Variants in CCDC138 observed in about 807,000 individuals in gnomAD.
CCDC138 encodes the protein coiled-coil domain containing 138.
Under a neutral mutation model 82.3 loss-of-function variants are expected in CCDC138, and 66 were observed. The observed-to-expected ratio is 0.80, with a 90% CI of 0.66 to 0.98. The LOEUF is 0.98. Among genes scored for constraint, CCDC138 ranks in the 50% least tolerant of loss-of-function variants. CCDC138 has a pLI of 0.00. For missense variants in CCDC138, 816 were observed against 758.9 expected (o/e 1.08, Z -0.88); for synonymous variants, 297 against 265.4 (o/e 1.12, Z -1.16).
chr2:108,864,656 T>TCGCC (rs1474137900), intron 13 of CCDC138, among the ~76,000 whole-genome samples: 1 of 152,082 alleles, frequency 6.6e-6, no homozygotes, highest in Non-Finnish European at 1.5e-5. Context: ...AAGCCAGGCG[T>TCGCC]GGTGGCCCAC....
intron 10 of CCDC138, among the ~76,000 whole-genome samples, chr2:108,828,342 A>G (rs1008599037): frequency 1.3e-5 from 2 of 152,240 alleles, no homozygotes; most frequent in Admixed American, 6.5e-5. Context: ...TTTATATGTC[A>G]AAGAATACTA....
At chr2:108,805,599 C>G (rs539995190) in intron 7 of CCDC138, among the ~76,000 whole-genome samples, 1 of 151,598 alleles carries the variant, frequency 6.6e-6, no homozygotes, top group Non-Finnish European at 1.5e-5. Context: ...TGATGGCGGG[C>G]GCCTGTAGTC....
chr2:108,875,681 C>T (rs893264505), intron 14 of CCDC138, among the ~76,000 whole-genome samples: 2 of 152,012 alleles, frequency 1.3e-5, no homozygotes, highest in Admixed American at 1.3e-4. Context: ...AACATAGTGA[C>T]ACCCTGTCTC....
chr2:108,873,562 T>A lies in CCDC138; in HGVS notation c.1805T>A (p.Ile602Asn). 1 of 1,609,966 alleles carries A rather than the reference T, an allele frequency of 6.2e-7. No individual in the cohort carries two copies. Among genetic ancestry groups the A allele is most frequent in the Non-Finnish European group, 8.5e-7 (1 of 1,178,052 alleles). The change falls in exon 14 of 15, where the codon ATT (isoleucine) becomes AAT (asparagine). Residue 602 changes from isoleucine to asparagine, a missense_variant. Coordinates refer to ENST00000295124, the MANE Select transcript of CCDC138 (RefSeq NM_144978.3). ...LDLQILEKLS[I>N]ILQKLSKIKS... is the part of the protein sequence containing the mutation. ...CTTCAAATACTAGAAAAACTCAGTA[T>A]TATTTTACAGAAACTTTCCAAAATC...
chr2:108,819,217 T>G (rs1267215120), intron 10 of CCDC138, among the ~76,000 whole-genome samples: 1 of 152,026 alleles, frequency 6.6e-6, no homozygotes, highest in African/African-American at 2.4e-5. Flanking sequence ...GCTAAAACAT[T>G]AAAAAGAAGG....
intron 4 of CCDC138, among the ~76,000 whole-genome samples, chr2:108,794,049 C>T (rs1230492445): frequency 1.3e-5 from 2 of 151,980 alleles, no homozygotes; most frequent in African/African-American, 4.8e-5. Flanking sequence ...ATTTGTGAAC[C>T]TGTTTAAAAG....
intron 9 of CCDC138, among the ~76,000 whole-genome samples, chr2:108,815,433 T>G (rs1684588576): frequency 6.6e-6 from 1 of 151,558 alleles, no homozygotes; most frequent in Non-Finnish European, 1.5e-5. Flanking sequence ...TTAACATGTT[T>G]TTAATATTAG....
At chr2:108,788,144 C>T (rs1473703416) in intron 2 of CCDC138, 55 bp downstream of exon 2, 5 of 1,563,644 alleles carry the variant, frequency 3.2e-6, no homozygotes, top group East Asian at 4.5e-5. Flanking sequence ...TGAGGCTGGG[C>T]GCGGTGGCTC....
At chr2:108,803,393 AT>A (rs11309509) in intron 6 of CCDC138, among the ~76,000 whole-genome samples, 121,867 of 152,124 alleles carry the variant, frequency 0.8, 49,087 homozygotes, top group East Asian at 0.95. Flanking sequence ...GTTTTCTCTC[AT>A]TTCTTTAGTG....
intron 6 of CCDC138, among the ~76,000 whole-genome samples, chr2:108,802,787 A>C (rs1227535354): frequency 8.6e-5 from 13 of 151,746 alleles, no homozygotes; most frequent in Non-Finnish European, 1.6e-4. Flanking sequence ...AGCTCTTATT[A>C]TTTTGAAATA....
chr2:108,827,603 T>C (rs1369475119), intron 10 of CCDC138, among the ~76,000 whole-genome samples: 1 of 151,956 alleles, frequency 6.6e-6, no homozygotes, highest in African/African-American at 2.4e-5. Context: ...GATCACGAGG[T>C]CAGGAGACGG....
At position 108,786,828 on chromosome 2, in the gene CCDC138, G is replaced by GC; in HGVS notation, c.8dup (p.Arg4GlufsTer30). On this transcript the variant is annotated frameshift_variant, in exon 1 of 15. Transcript: ENST00000295124. LOFTEE classifies it high-confidence loss of function. ...TGGTACGGTTGCTGTGTGCTATGGA[G>GC]CCGAGGGTCGTCAAGCCACCGGGGC... 1 of 1,589,944 alleles carries GC rather than the reference G, an allele frequency of 6.3e-7. No individual in the cohort carries two copies. Among genetic ancestry groups the GC allele is most frequent in the South Asian group, 1.1e-5 (1 of 87,164 alleles).
At chr2:108,819,742 G>C (rs1044808004) in intron 10 of CCDC138, among the ~76,000 whole-genome samples, 2 of 152,088 alleles carry the variant, frequency 1.3e-5, no homozygotes, top group Non-Finnish European at 2.9e-5. Flanking sequence ...TTTGTTTTCT[G>C]TTTTTTCAAA....
intron 13 of CCDC138, among the ~76,000 whole-genome samples, chr2:108,869,803 G>C (rs528808230): frequency 1.3e-5 from 2 of 152,186 alleles, no homozygotes; most frequent in Non-Finnish European, 2.9e-5. Flanking sequence ...TGCTTGATAA[G>C]TAGTGAAGGC....
At chr2:108,805,522 G>A (rs1394154909) in intron 7 of CCDC138, among the ~76,000 whole-genome samples, 7 of 151,586 alleles carry the variant, frequency 4.6e-5, no homozygotes, top group Admixed American at 2.0e-4. Context: ...TCAGGAGTTC[G>A]AGACCATCCT....
intron 10 of CCDC138, among the ~76,000 whole-genome samples, chr2:108,817,299 C>CT (rs35517828): frequency 0.012 from 1,739 of 144,072 alleles, 37 homozygotes; most frequent in African/African-American, 0.04. Context: ...AATCTTTTTT[C>CT]TTTTTTTTTT....
At chr2:108,827,814 TAAAA>T (rs11346556) in intron 10 of CCDC138, among the ~76,000 whole-genome samples, 1 of 134,104 alleles carries the variant, frequency 7.5e-6, no homozygotes, top group African/African-American at 2.8e-5. Context: ...AGAATATGTC[TAAAA>T]AAAAAAAAAA....
intron 12 of CCDC138, among the ~76,000 whole-genome samples, chr2:108,849,935 G>A (rs1282891494): frequency 6.6e-6 from 1 of 152,200 alleles, no homozygotes; most frequent in Non-Finnish European, 1.5e-5. Context: ...GGCAGGTGGG[G>A]TGTGCCTGCA....
downstream of CCDC138, among the ~76,000 whole-genome samples, chr2:108,879,202 G>A (rs1200511762): frequency 1.3e-5 from 2 of 152,176 alleles, no homozygotes; most frequent in Admixed American, 1.3e-4. Context: ...GAACTCCTGA[G>A]CTCGAGCAGT....
Sources: allele counts gnomAD v4.1 joint callset (sites outside exome capture counted in the v4.1 genomes callset), GRCh38; gene constraint gnomAD v4.1.1; transcripts MANE v1.5; gene names NCBI Gene and HGNC (gene_info 2026-07-23, HGNC 2026-07-21).